FLACC1: variants seen among roughly 807,000 people sequenced by gnomAD.
FLACC1 encodes the protein flagellum associated containing coiled-coil domains 1, also known as flagellum-associated coiled-coil domain-containing protein 1.
A neutral mutation model predicts 62.8 loss-of-function variants in FLACC1; 66 were observed. That is an observed-to-expected ratio of 1.05 (90% CI 0.86 to 1.29). The LOEUF is 1.29. Ranked by LOEUF, FLACC1 falls within the 50% of genes most tolerant of loss-of-function variation. FLACC1 has a pLI of 0.00. For synonymous variants in FLACC1, 156 were observed against 161.0 expected, an observed-to-expected ratio of 0.97 and a Z score of 0.24; for missense variants, 452 against 489.1, an observed-to-expected ratio of 0.92 and a Z score of 0.71.
Position 201,330,516 on chromosome 2 carries a change from A to G in FLACC1, c.629T>C (p.Met210Thr), listed in dbSNP as rs535238781. ...KLAAQEKLEE[M>T]GKEYKYLKNM... Reference sequence around the variant, plus strand: ...CTTCAAATACTTGTATTCTTTTCCCATCTCCTCTGGATAAAAGGAAAACAA... The same window carrying G: ...CTTCAAATACTTGTATTCTTTTCCCGTCTCCTCTGGATAAAAGGAAAACAA... Residue 210 changes from methionine to threonine, a missense_variant, in exon 9 of 15, where the codon ATG (methionine) becomes ACG (threonine). Coordinates refer to ENST00000392257, the MANE Select transcript of FLACC1 (RefSeq NM_001127391.3). 1.6e-4 allele frequency: 257 copies of G among 1,613,696 alleles called. No individual in the cohort carries two copies. The South Asian group carries it at 2.7e-3, about 17-fold the overall frequency.
At chr2:201,356,699 G>T (rs1342851703) in intron 1 of FLACC1, among the ~76,000 whole-genome samples, 2 of 152,166 alleles carry the variant, frequency 1.3e-5, no homozygotes, top group Admixed American at 1.3e-4. Context: ...TGTTCTTTTT[G>T]TGTAACAGGA....
intron 3 of FLACC1, 120 bp downstream of exon 3, chr2:201,350,591 G>T: frequency 1.3e-6 from 1 of 794,396 alleles, no homozygotes; most frequent in Non-Finnish European, 2.0e-6. Flanking sequence ...TGAGGCAGGA[G>T]AATCGCTTGA....
At chr2:201,309,905 C>CAAAAAAAAAAAAAAAAAAA (rs1161849891) in intron 9 of FLACC1, among the ~76,000 whole-genome samples, 1 of 44,652 alleles carries the variant, frequency 2.2e-5, no homozygotes, top group Non-Finnish European at 5.4e-5. Context: ...GACTCTGTCT[C>CAAAAAAAAAAAAAAAAAAA]AAAAAAAAAA....
chr2:201,355,112 C>T (rs1951095739), intron 1 of FLACC1, among the ~76,000 whole-genome samples: 1 of 152,094 alleles, frequency 6.6e-6, no homozygotes, highest in Non-Finnish European at 1.5e-5. Context: ...GGGCGAAACC[C>T]CGTCTCTACT....
intron 7 of FLACC1, among the ~76,000 whole-genome samples, chr2:201,340,596 AGTT>A (rs1281088771): frequency 6.6e-6 from 1 of 152,166 alleles, no homozygotes; most frequent in Non-Finnish European, 1.5e-5. Flanking sequence ...TTTTAGCTAT[AGTT>A]GTTATTAATA....
rs2125540991 is a variant in FLACC1 at position 201,296,300 on chromosome 2, G to A, written c.942+2938C>T. ...ATGATAGACTGGATTAAGAAAATGT[G>A]GCACATATATACCATGGAATACTAT... On this transcript the variant is annotated intron_variant, in intron 12 of 14. Transcript: ENST00000392257. Among the ~76,000 whole-genome samples the A allele has an allele frequency of 2.0e-5, 3 of 152,060 alleles. No homozygotes were observed. In the South Asian group the frequency reaches 6.2e-4, roughly 32 times the overall value.
At chr2:201,343,255 A>T (rs761576569) in intron 6 of FLACC1, among the ~76,000 whole-genome samples, 1 of 152,260 alleles carries the variant, frequency 6.6e-6, no homozygotes, top group Non-Finnish European at 1.5e-5. Flanking sequence ...ATATGTCTTC[A>T]GCAGGATCTG....
intron 11 of FLACC1, among the ~76,000 whole-genome samples, chr2:201,302,021 C>T (rs973046896): frequency 1.3e-5 from 2 of 152,148 alleles, no homozygotes; most frequent in African/African-American, 2.4e-5. Context: ...GAAGAAACTG[C>T]ATCAACTAAT....
At chr2:201,310,646 GCACT>G (rs1205877809) in intron 9 of FLACC1, among the ~76,000 whole-genome samples, 2 of 152,196 alleles carry the variant, frequency 1.3e-5, no homozygotes, top group Non-Finnish European at 2.9e-5. Context: ...GATGACGGGA[GCACT>G]CCATGCTTTG....
At chr2:201,331,119 C>T (rs904225230) in intron 7 of FLACC1, among the ~76,000 whole-genome samples, 2 of 151,914 alleles carry the variant, frequency 1.3e-5, no homozygotes, top group Non-Finnish European at 2.9e-5. Flanking sequence ...CAGGCATGTG[C>T]CACCATGCTC....
intron 8 of FLACC1, 79 bp from the exon 9 acceptor site, chr2:201,330,601 C>A: frequency 6.5e-7 from 1 of 1,540,066 alleles, no homozygotes. Flanking sequence ...AGTTCTTCTG[C>A]ACACCTTCCC....
chr2:201,294,281 T>C (rs976007176), intron 12 of FLACC1, among the ~76,000 whole-genome samples: 6 of 152,186 alleles, frequency 3.9e-5, no homozygotes, highest in African/African-American at 1.4e-4. Context: ...AATAAAATAC[T>C]GGCAAACCAA....
intron 3 of FLACC1, 31 bp downstream of exon 3, chr2:201,350,680 C>G: frequency 2.1e-6 from 1 of 476,254 alleles, no homozygotes; most frequent in African/African-American, 2.9e-5. Context: ...GACTCCATCT[C>G]AAAAACAAAA....
At chr2:201,327,333 A>G (rs1297512409) in intron 9 of FLACC1, among the ~76,000 whole-genome samples, 1 of 152,194 alleles carries the variant, frequency 6.6e-6, no homozygotes, top group African/African-American at 2.4e-5. Context: ...ACCTAATTAA[A>G]CTAAAAAGCT....
intron 9 of FLACC1, among the ~76,000 whole-genome samples, chr2:201,317,673 G>A (rs979472000): frequency 6.6e-6 from 1 of 151,796 alleles, no homozygotes; most frequent in African/African-American, 2.4e-5. Context: ...TACCACCATC[G>A]TTTTTCACAG....
chr2:201,308,291 T>C (rs1950146637), intron 10 of FLACC1, among the ~76,000 whole-genome samples: 1 of 152,174 alleles, frequency 6.6e-6, no homozygotes, highest in Middle Eastern at 3.2e-3. Flanking sequence ...GGGATATGAC[T>C]TGGGTTCTAT....
intron 12 of FLACC1, among the ~76,000 whole-genome samples, chr2:201,295,437 C>T (rs1949837638): frequency 6.6e-6 from 1 of 152,148 alleles, no homozygotes; most frequent in African/African-American, 2.4e-5. Context: ...ATAAATGGTG[C>T]TTGGAAAACT....
chr2:201,309,533 C>T (rs1950173095), intron 9 of FLACC1, among the ~76,000 whole-genome samples: 1 of 152,160 alleles, frequency 6.6e-6, no homozygotes, highest in African/African-American at 2.4e-5. Flanking sequence ...AACTGAGCTT[C>T]CTTTGAAGAA....
At chr2:201,330,588 G>A (rs2272390) in intron 8 of FLACC1, 66 bp from the exon 9 acceptor site, 113,992 of 1,571,698 alleles carry the variant, frequency 0.073, 4,623 homozygotes, top group African/African-American at 0.12. Context: ...AAATTCAAAT[G>A]TGAGTTCTTC....
Sources: allele counts gnomAD v4.1 joint callset (sites outside exome capture counted in the v4.1 genomes callset), GRCh38; gene constraint gnomAD v4.1.1; transcripts MANE v1.5; gene names NCBI Gene and HGNC (gene_info 2026-07-23, HGNC 2026-07-21).